ZNF821: variants seen among roughly 807,000 people sequenced by gnomAD.
ZNF821 encodes the protein zinc finger protein 821.
In ZNF821, 16 loss-of-function variants were observed where a neutral mutation model predicts 44.3. That is an observed-to-expected ratio of 0.36 (90% CI 0.24 to 0.55). The LOEUF (loss-of-function observed/expected upper bound fraction) is 0.55, where lower values mean the gene tolerates loss of function less well. Ranked by LOEUF, ZNF821 falls within the 20% of genes least tolerant of loss-of-function variation. The probability of loss-of-function intolerance (pLI) is 0.86; values close to 1 mark genes in which losing one functional copy is unlikely to be tolerated. For synonymous variants in ZNF821, 204 were observed against 197.6 expected (o/e 1.03, Z -0.27); for missense variants, 436 against 547.6 (o/e 0.80, Z 2.03).
intron 3 of ZNF821, among the ~76,000 whole-genome samples, chr16:71,875,986 G>A (rs2035771642): frequency 6.6e-6 from 1 of 152,168 alleles, no homozygotes; most frequent in South Asian, 2.1e-4. Context: ...TGCTACGTGG[G>A]CATAGACATT....
chr16:71,870,583 G>C (rs1987297), intron 3 of ZNF821, among the ~76,000 whole-genome samples: 1 of 151,050 alleles, frequency 6.6e-6, no homozygotes, highest in Non-Finnish European at 1.5e-5. Flanking sequence ...GTGTTCAAGA[G>C]ATTCTCCTGC....
Position 71,859,923 on chromosome 16 carries a change from G to A in ZNF821, c.*95C>T. The A allele has an allele frequency of 7.3e-7, 1 of 1,360,608 alleles. No individual in the cohort carries two copies. Among genetic ancestry groups the A allele is most frequent in the South Asian group, 1.5e-5 (1 of 66,418 alleles). The allele number at this position is 1,360,608 out of a possible 1,614,324, so 84.3% of individuals were successfully genotyped here. On this transcript the variant is annotated 3_prime_UTR_variant, in exon 8 of 8. Coordinates refer to ENST00000425432, the MANE Select transcript of ZNF821 (RefSeq NM_001201552.2). Reference sequence around the variant, plus strand: ...AGGCCTGCCTCTGGCAGCAAGGACAGGGCCTCGTGGGTGGCAGCAGCACTG... The same window carrying A: ...AGGCCTGCCTCTGGCAGCAAGGACAAGGCCTCGTGGGTGGCAGCAGCACTG...
At chr16:71,876,602 C>CT (rs2035847284) in intron 3 of ZNF821, among the ~76,000 whole-genome samples, 1 of 151,730 alleles carries the variant, frequency 6.6e-6, no homozygotes, top group Admixed American at 6.6e-5. Context: ...TTCTCTTTTT[C>CT]TTTTTTTGTT....
At chr16:71,874,134 T>A (rs1269513388) in intron 3 of ZNF821, among the ~76,000 whole-genome samples, 1 of 151,138 alleles carries the variant, frequency 6.6e-6, no homozygotes, top group African/African-American at 2.4e-5. Context: ...AATTTTTGTA[T>A]TTTTTTTAGT....
chr16:71,883,856 G>C (rs1380765142), intron 1 of ZNF821, 52 bp downstream of exon 1: 2 of 152,694 alleles, frequency 1.3e-5, no homozygotes, highest in Admixed American at 1.3e-4. Flanking sequence ...GAGGGGGCGA[G>C]GAGCCCGCAT....
intron 3 of ZNF821, among the ~76,000 whole-genome samples, chr16:71,870,391 T>C (rs1479883553): frequency 6.6e-6 from 1 of 150,638 alleles, no homozygotes; most frequent in Non-Finnish European, 1.5e-5. Flanking sequence ...ATGAATTTGA[T>C]GGGGGAATAC....
chr16:71,869,491 C>T (rs961011527), intron 3 of ZNF821, among the ~76,000 whole-genome samples: 3 of 152,186 alleles, frequency 2.0e-5, no homozygotes, highest in Non-Finnish European at 4.4e-5. Flanking sequence ...AAGCTCCAGG[C>T]TCTATGGTGT....
intron 1 of ZNF821, among the ~76,000 whole-genome samples, chr16:71,891,647 G>A (rs933006423): frequency 6.6e-6 from 1 of 152,198 alleles, no homozygotes; most frequent in Admixed American, 6.5e-5. Context: ...GCCGAAGCCG[G>A]CAGATCACTT....
At chr16:71,893,323 G>T (rs550455167) in intron 1 of ZNF821, among the ~76,000 whole-genome samples, 1 of 149,990 alleles carries the variant, frequency 6.7e-6, no homozygotes, top group African/African-American at 2.5e-5. Context: ...CACCGCGCCC[G>T]GCCAATTTTT....
intron 5 of ZNF821, among the ~76,000 whole-genome samples, 190 bp from the exon 6 acceptor site, chr16:71,864,432 AG>A (rs1465556432): frequency 1.3e-5 from 2 of 152,274 alleles, no homozygotes; most frequent in African/African-American, 2.4e-5. Context: ...ATGAGGACAC[AG>A]GATTGCCTCA....
chr16:71,888,782 T>C (rs572084175), upstream of ZNF821, among the ~76,000 whole-genome samples: 20 of 152,338 alleles, frequency 1.3e-4, no homozygotes, highest in African/African-American at 4.6e-4. Context: ...GTTTTCTAGA[T>C]GATTACAATG....
chr16:71,880,009 T>C lies in ZNF821; in HGVS notation c.-63A>G. The C allele has an allele frequency of 1.3e-6, 2 of 1,501,712 alleles. No individual in the cohort carries two copies. The highest frequency in any genetic ancestry group is 1.8e-6 in the Non-Finnish European group (2 of 1,089,264). The allele number at this position is 1,501,712 out of a possible 1,614,324, so 93.0% of individuals were successfully genotyped here. A position where few individuals can be genotyped will look rare whatever the true frequency, so the allele number is the denominator to read the frequency against. On this transcript the variant is annotated 5_prime_UTR_variant, in exon 3 of 8. Coordinates refer to ENST00000425432, the MANE Select transcript of ZNF821 (RefSeq NM_001201552.2). Reference sequence around the variant, plus strand: ...CACGACTGGATATGTTACTACCTCCTTGCAAGATGCTAACCTGCAATAAAA... The same window carrying C: ...CACGACTGGATATGTTACTACCTCCCTGCAAGATGCTAACCTGCAATAAAA...
intron 3 of ZNF821, among the ~76,000 whole-genome samples, chr16:71,872,759 C>CG (rs1418713412): frequency 6.6e-6 from 1 of 152,178 alleles, no homozygotes; most frequent in Non-Finnish European, 1.5e-5. Flanking sequence ...ATTTACTTCA[C>CG]GAGGATGCTA....
chr16:71,865,508 T>C (rs888956182), intron 4 of ZNF821, among the ~76,000 whole-genome samples: 2 of 152,146 alleles, frequency 1.3e-5, no homozygotes, highest in Admixed American at 1.3e-4. Context: ...ATCTCTTCTT[T>C]CCCAGCAAAC....
intron 3 of ZNF821, among the ~76,000 whole-genome samples, chr16:71,876,922 T>A (rs2035885965): frequency 6.6e-6 from 1 of 152,082 alleles, no homozygotes; most frequent in African/African-American, 2.4e-5. Context: ...CTTCATTTTA[T>A]CTTCCTTGAC....
chr16:71,892,470 G>A (rs1191228297), intron 1 of ZNF821, among the ~76,000 whole-genome samples: 5 of 150,740 alleles, frequency 3.3e-5, no homozygotes, highest in African/African-American at 1.2e-4. Context: ...GGGTTTCACC[G>A]TGTTAGCCAG....
rs190458420 is a variant in ZNF821 at position 71,873,301 on chromosome 16, G to A, written c.41-5264C>T. Among the ~76,000 whole-genome samples the A allele has an allele frequency of 2.0e-3, 304 of 151,780 alleles. 1 individual carries two copies. Among genetic ancestry groups the A allele is most frequent in the Middle Eastern group, 3.4e-3 (1 of 292 alleles). Reference sequence around the variant, plus strand: ...CATGCCACTGCACTCTAGCCTGGGCGACTGAGCAGGATGCTGTCTCAAAAA... The same window carrying A: ...CATGCCACTGCACTCTAGCCTGGGCAACTGAGCAGGATGCTGTCTCAAAAA... On this transcript the variant is annotated intron_variant, in intron 3 of 7. Transcript: ENST00000425432.
intron 3 of ZNF821, among the ~76,000 whole-genome samples, chr16:71,873,433 G>A (rs1170412993): frequency 6.6e-6 from 1 of 152,024 alleles, no homozygotes; most frequent in Non-Finnish European, 1.5e-5. Context: ...AACAATTTTG[G>A]GCTTTTATTC....
chr16:71,878,899 G>T (rs970944417), intron 3 of ZNF821, among the ~76,000 whole-genome samples: 10 of 151,694 alleles, frequency 6.6e-5, no homozygotes, highest in South Asian at 2.1e-4. Context: ...ACTCCAGCCT[G>T]GGTGACAGAG....
Sources: gnomAD v4.1 joint callset for allele counts (sites outside exome capture counted in the v4.1 genomes callset) on GRCh38, gnomAD v4.1.1 for gene constraint, MANE v1.5 for transcripts, NCBI Gene and HGNC (gene_info 2026-07-23, HGNC 2026-07-21) for gene names.